Variants in PRAMEF19 observed in about 807,000 individuals in gnomAD.
The protein encoded by PRAMEF19 is PRAME family member 19, also known as PRAME family member-like.
A neutral mutation model predicts 33.1 loss-of-function variants in PRAMEF19; 21 were observed. The ratio of observed to expected loss-of-function variants is 0.63; its 90% CI spans 0.45 to 0.91. The LOEUF (loss-of-function observed/expected upper bound fraction) is 0.91. Ranked by LOEUF, PRAMEF19 falls within the 40% of genes least tolerant of loss-of-function variation. The pLI is 0.00. For synonymous variants in PRAMEF19, 179 were observed against 229.3 expected (o/e 0.78, Z 1.98); for missense variants, 481 against 585.2 (o/e 0.82, Z 1.84).
downstream of PRAMEF19, chr1:13,368,940 C>T (rs1640633055): frequency 7.2e-7 from 1 of 1,396,862 alleles, no homozygotes; most frequent in Admixed American, 2.5e-5. Context: ...TAGGGAAACC[C>T]TGTCTCAAAT....
intron 2 of PRAMEF19, among the ~76,000 whole-genome samples, chr1:13,370,307 C>T (rs1640654770): frequency 6.6e-6 from 1 of 152,310 alleles, no homozygotes; most frequent in Non-Finnish European, 1.5e-5. Flanking sequence ...ACAAGGAATT[C>T]ACAAAAGCTA....
At chr1:13,371,785 A>G (rs1640675641) in exon 1 of PRAMEF19, 2 of 1,611,660 alleles carry the variant, frequency 1.2e-6, no homozygotes, top group Non-Finnish European at 1.7e-6. Flanking sequence ...CTCCACGAAC[A>G]GTCGGGGGAA....
At position 13,369,481 on chromosome 1, in the gene PRAMEF19, A is replaced by G. The variant is rs1249848226; in HGVS notation, c.1026T>C (p.Ala342=). 4.6e-5 allele frequency: 74 copies of G among 1,613,870 alleles called. No individual in the cohort carries two copies. The East Asian group carries it at 1.5e-3, about 33-fold the overall frequency. Residue 342 remains alanine (A), a synonymous_variant, in exon 3 of 3, where the codon GCT becomes GCC. Coordinates refer to ENST00000376101, the Ensembl canonical transcript of PRAMEF19. ...GAGTGGCAGCAACTTTCTCTAGCAG[A>G]GCTCGGAGGGGCTCAAGACGGATGA...
intron 1 of PRAMEF19, 128 bp from the exon 2 acceptor site, chr1:13,371,355 C>A: frequency 6.5e-7 from 1 of 1,548,584 alleles, no homozygotes; most frequent in East Asian, 2.3e-5. Context: ...TCTTCTCCAT[C>A]CCTTTCCCCC....
chr1:13,370,449 A>G (rs1640656335), intron 2 of PRAMEF19, among the ~76,000 whole-genome samples, 200 bp downstream of exon 2: 1 of 152,050 alleles, frequency 6.6e-6, no homozygotes, highest in South Asian at 2.1e-4. Flanking sequence ...CGTCTATGCC[A>G]GGTCATCCCT....
exon 3 of PRAMEF19, chr1:13,369,215 G>C (rs1345790028): frequency 5.7e-5 from 92 of 1,612,018 alleles, no homozygotes; most frequent in Non-Finnish European, 7.3e-5. Context: ...CTGAAGTGGG[G>C]TGAGGAGCTC....
downstream of PRAMEF19, chr1:13,368,996 T>C (rs1640633536): frequency 1.9e-6 from 3 of 1,570,510 alleles, no homozygotes; most frequent in Non-Finnish European, 2.6e-6. Flanking sequence ...AAAAGAAAAA[T>C]AAAAGATATC....
exon 2 of PRAMEF19, chr1:13,370,740 A>C: frequency 6.2e-7 from 1 of 1,613,944 alleles, no homozygotes; most frequent in South Asian, 1.1e-5. Context: ...ACAGAGCTGA[A>C]TTCAGCAACT....
chr1:13,369,196 C>T (rs1430376036), exon 3 of PRAMEF19: 10 of 1,611,934 alleles, frequency 6.2e-6, no homozygotes, highest in Non-Finnish European at 8.5e-6. Context: ...GTATACGCAT[C>T]AGCTCAGCCT....
exon 1 of PRAMEF19, chr1:13,371,798 G>A: frequency 6.2e-7 from 1 of 1,611,738 alleles, no homozygotes; most frequent in Non-Finnish European, 8.5e-7. Flanking sequence ...CGGGGGAAGA[G>A]CTCCCTGGGC....
At chr1:13,370,918 T>C (rs1464614737) in exon 2 of PRAMEF19, 83,414 of 1,612,080 alleles carry the variant, frequency 0.052, 3,424 homozygotes, top group East Asian at 0.25. Flanking sequence ...ATACTGTTTC[T>C]AATATGTTTC....
intron 2 of PRAMEF19, among the ~76,000 whole-genome samples, chr1:13,370,177 C>G (rs1435597050): frequency 2.0e-5 from 3 of 152,278 alleles, no homozygotes; most frequent in Non-Finnish European, 2.9e-5. Flanking sequence ...TTCACGTTCA[C>G]TAAGCTGTGA....
rs2100381704 is a variant in PRAMEF19, at chr1:13,369,680, G to C, written c.867-40C>G. 3.7e-6 allele frequency: 6 copies of C among 1,612,422 alleles called. No individual in the cohort carries two copies. In the East Asian group the frequency reaches 1.3e-4, roughly 36 times the overall value. ...AAGTTAGTACTGGGCAATGGCACCA[G>C]TTAGAGGACGGTGGTAGAAAATAAC... On this transcript the variant is annotated intron_variant, in intron 2 of 2. Coordinates refer to ENST00000376101, the Ensembl canonical transcript of PRAMEF19.
exon 3 of PRAMEF19, chr1:13,369,640 C>A: frequency 6.2e-7 from 1 of 1,613,822 alleles, no homozygotes; most frequent in South Asian, 1.1e-5. Context: ...TCTTGAGGCA[C>A]CTGGGGAGAG....
At chr1:13,369,456 G>A in exon 3 of PRAMEF19, 2 of 1,613,980 alleles carry the variant, frequency 1.2e-6, no homozygotes, top group African/African-American at 1.3e-5. Flanking sequence ...AGGGTCTGAA[G>A]AGTGGCAGCA....
chr1:13,370,542 C>G, intron 2 of PRAMEF19, 107 bp downstream of exon 2: 1 of 1,440,672 alleles, frequency 6.9e-7, no homozygotes, highest in South Asian at 1.2e-5. Context: ...TATCCCCTTC[C>G]CTGGACATCT....
downstream of PRAMEF19, among the ~76,000 whole-genome samples, chr1:13,368,869 C>T (rs1640632394): frequency 1.3e-5 from 2 of 152,140 alleles, no homozygotes; most frequent in Non-Finnish European, 2.9e-5. Flanking sequence ...ATCCCAGAAT[C>T]TTGGGAGGCC....
Position 13,369,578 on chromosome 1 carries a change from A to T in PRAMEF19, c.929T>A (p.Leu310Ter). The T allele has an allele frequency of 2.5e-6, 4 of 1,613,906 alleles. No individual in the cohort carries two copies. The highest frequency in any genetic ancestry group is 3.4e-6 in the Non-Finnish European group (4 of 1,179,830). ...ACTTGGGTACCAGGGCAGACATTTC[A>T]AGTCCTCTTCATCTAGGGAGCCATA... The change falls in exon 3 of 3, where the codon TTG becomes TAG. Residue 310 changes from leucine (L) to a stop codon, truncating the protein, a stop_gained. Coordinates refer to ENST00000376101, the Ensembl canonical transcript of PRAMEF19. LOFTEE classifies it high-confidence loss of function.
exon 3 of PRAMEF19, chr1:13,369,258 C>T: frequency 6.2e-7 from 1 of 1,612,074 alleles, no homozygotes; most frequent in South Asian, 1.1e-5. Context: ...TCAAGACTCT[C>T]CCGAGGGGCA....
Sources: allele counts gnomAD v4.1 joint callset (sites outside exome capture counted in the v4.1 genomes callset), GRCh38; gene constraint gnomAD v4.1.1; transcripts MANE v1.5; gene names NCBI Gene and HGNC (gene_info 2026-07-23, HGNC 2026-07-21).